Variants in DLG2 observed in about 807,000 individuals in gnomAD.
DLG2 encodes discs large MAGUK scaffold protein 2, also known as disks large homolog 2.
In DLG2, 45 loss-of-function variants were observed where a neutral mutation model predicts 132.5. That is an observed-to-expected ratio of 0.34 (90% confidence interval 0.27 to 0.44). DLG2 has a LOEUF of 0.44. Among genes scored for constraint, DLG2 ranks in the 20% least tolerant of loss-of-function variants. The probability of loss-of-function intolerance (pLI) is 1.00; values close to 1 mark genes in which losing one functional copy is unlikely to be tolerated. For synonymous variants in DLG2, 424 were observed against 419.6 expected, an observed-to-expected ratio of 1.01 and a Z score of -0.13; for missense variants, 1,045 against 1,196.9, an observed-to-expected ratio of 0.87 and a Z score of 1.87.
chr11:83,833,031 G>A (rs1008356087), intron 17 of DLG2, among the ~76,000 whole-genome samples: 6 of 152,144 alleles, frequency 3.9e-5, no homozygotes, highest in South Asian at 2.1e-4. Flanking sequence ...GCTTCTCAAC[G>A]TTCTGTTGGA....
chr11:83,591,072 G>A (rs375757960), intron 19 of DLG2, among the ~76,000 whole-genome samples: 6 of 152,298 alleles, frequency 3.9e-5, no homozygotes, highest in African/African-American at 1.4e-4. Flanking sequence ...ACAAGGAGGA[G>A]CTGGTACCAT....
At chr11:85,032,321 A>G (rs1438564040) in intron 6 of DLG2, among the ~76,000 whole-genome samples, 1 of 152,184 alleles carries the variant, frequency 6.6e-6, no homozygotes, top group Non-Finnish European at 1.5e-5. Flanking sequence ...GAAGTTGAAT[A>G]TTTACCCTTG....
intron 4 of DLG2, among the ~76,000 whole-genome samples, chr11:85,253,757 G>T (rs2076521812): frequency 6.6e-6 from 1 of 152,106 alleles, no homozygotes; most frequent in African/African-American, 2.4e-5. Context: ...ACTGAAGATG[G>T]TAAATGTGGG....
intron 6 of DLG2, among the ~76,000 whole-genome samples, chr11:84,940,652 G>T (rs957499183): frequency 5.3e-5 from 8 of 152,142 alleles, no homozygotes; most frequent in African/African-American, 1.9e-4. Context: ...TGGGTAGTTT[G>T]CAAACATTTT....
At chr11:85,369,874 T>C (rs559758911) in intron 3 of DLG2, among the ~76,000 whole-genome samples, 1 of 152,194 alleles carries the variant, frequency 6.6e-6, no homozygotes, top group Non-Finnish European at 1.5e-5. Context: ...ATCAAGTATT[T>C]TTTAAAAAGG....
chr11:83,789,231 C>T (rs1252023846), intron 17 of DLG2, among the ~76,000 whole-genome samples: 1 of 152,160 alleles, frequency 6.6e-6, no homozygotes, highest in Non-Finnish European at 1.5e-5. Flanking sequence ...AATTCATCTT[C>T]AGTGTATACG....
chr11:85,444,557 G>A (rs1314647755), intron 3 of DLG2, among the ~76,000 whole-genome samples: 2 of 152,236 alleles, frequency 1.3e-5, no homozygotes, highest in Non-Finnish European at 1.5e-5. Flanking sequence ...GCTAGGTGCA[G>A]CCAGATGTCC....
chr11:85,346,457 G>A (rs1483826146), intron 3 of DLG2, among the ~76,000 whole-genome samples: 1 of 151,946 alleles, frequency 6.6e-6, no homozygotes, highest in Non-Finnish European at 1.5e-5. Flanking sequence ...CACAGTGCTG[G>A]GATTACAGGC....
At chr11:84,041,665 T>C (rs924124284) in intron 11 of DLG2, among the ~76,000 whole-genome samples, 2 of 152,042 alleles carry the variant, frequency 1.3e-5, no homozygotes, top group Admixed American at 6.6e-5. Context: ...AATTTTAATA[T>C]AGGTCAATTT....
intron 18 of DLG2, among the ~76,000 whole-genome samples, chr11:83,681,566 C>T (rs1200538972): frequency 1.3e-5 from 2 of 152,114 alleles, no homozygotes; most frequent in African/African-American, 4.8e-5. Flanking sequence ...AACAGGCACG[C>T]CAAATGCAAA....
chr11:83,997,378 T>C (rs1459266778), intron 11 of DLG2, among the ~76,000 whole-genome samples: 2 of 152,092 alleles, frequency 1.3e-5, no homozygotes, highest in Non-Finnish European at 2.9e-5. Flanking sequence ...TTATTTCTAC[T>C]TCTTTCTTTA....
chr11:84,288,817 TATGTTG>T (rs1468148728), intron 7 of DLG2, among the ~76,000 whole-genome samples: 22 of 152,296 alleles, frequency 1.4e-4, no homozygotes, highest in Non-Finnish European at 2.1e-4. Flanking sequence ...TTCATTGAAC[TATGTTG>T]ACATAATTAA....
At chr11:84,767,527 G>A (rs1346953781) in intron 6 of DLG2, among the ~76,000 whole-genome samples, 3 of 151,870 alleles carry the variant, frequency 2.0e-5, no homozygotes, top group East Asian at 3.9e-4. Flanking sequence ...AATATGAGGA[G>A]CCTTAAAGGT....
chr11:84,079,174 T>C (rs950434177), intron 10 of DLG2, among the ~76,000 whole-genome samples: 3 of 152,238 alleles, frequency 2.0e-5, no homozygotes, highest in African/African-American at 7.2e-5. Flanking sequence ...ATCCCCAGTA[T>C]ATTTCAAAAT....
At chr11:85,281,398 T>A (rs2078212771) in intron 4 of DLG2, among the ~76,000 whole-genome samples, 1 of 151,968 alleles carries the variant, frequency 6.6e-6, no homozygotes, top group South Asian at 2.1e-4. Context: ...AAAATAATGA[T>A]CCCATTGTTC....
At chr11:84,735,682 T>C (rs945291187) in intron 6 of DLG2, among the ~76,000 whole-genome samples, 1 of 152,154 alleles carries the variant, frequency 6.6e-6, no homozygotes, top group Non-Finnish European at 1.5e-5. Context: ...CTGCTAGCTT[T>C]TGAATATGTT....
At chr11:85,337,188 C>T (rs1357844648) in intron 3 of DLG2, among the ~76,000 whole-genome samples, 1 of 152,106 alleles carries the variant, frequency 6.6e-6, no homozygotes, top group Non-Finnish European at 1.5e-5. Flanking sequence ...ATCTTATTTC[C>T]AAATATAATT....
At chr11:84,044,841 T>C (rs755342508) in intron 11 of DLG2, among the ~76,000 whole-genome samples, 6 of 151,756 alleles carry the variant, frequency 4.0e-5, no homozygotes, top group Non-Finnish European at 5.9e-5. Flanking sequence ...TCTTAGGATT[T>C]TGTCAATCAC....
At chr11:83,749,851 A>C (rs1217008444) in intron 18 of DLG2, among the ~76,000 whole-genome samples, 2 of 152,212 alleles carry the variant, frequency 1.3e-5, no homozygotes. Flanking sequence ...AAGAGAGAAC[A>C]GCCACAAAGC....
Sources: gnomAD v4.1 joint callset for allele counts (sites outside exome capture counted in the v4.1 genomes callset) on GRCh38, gnomAD v4.1.1 for gene constraint, MANE v1.5 for transcripts, NCBI Gene and HGNC (gene_info 2026-07-23, HGNC 2026-07-21) for gene names.